The following TNIK variants were observed in gnomAD, a reference collection of about 807,000 sequenced individuals.
The protein encoded by TNIK is TRAF2 and NCK interacting kinase.
In TNIK, 49 loss-of-function variants were observed where a neutral mutation model predicts 191.3. The ratio of observed to expected loss-of-function variants is 0.26; its 90% confidence interval spans 0.20 to 0.32. The LOEUF (loss-of-function observed/expected upper bound fraction) is 0.32. Ranked by LOEUF, TNIK falls within the 10% of genes least tolerant of loss-of-function variation. The probability of loss-of-function intolerance (pLI) is 1.00; values close to 1 mark genes in which losing one functional copy is unlikely to be tolerated. For missense variants in TNIK, 1,155 were observed against 1,702.3 expected (o/e 0.68, Z 5.66); for synonymous variants, 594 against 600.9 (o/e 0.99, Z 0.17).
At chr3:171,313,321 C>G (rs1754259211) in intron 2 of TNIK, among the ~76,000 whole-genome samples, 1 of 151,386 alleles carries the variant, frequency 6.6e-6, no homozygotes, top group Non-Finnish European at 1.5e-5. Flanking sequence ...AACAGTGGAT[C>G]TGGAAGGGAA....
intron 12 of TNIK, among the ~76,000 whole-genome samples, chr3:171,147,849 C>T (rs1731849370): frequency 6.6e-6 from 1 of 152,164 alleles, no homozygotes; most frequent in African/African-American, 2.4e-5. Context: ...CCATGCCTGA[C>T]TCTTGCCATG....
At chr3:171,232,300 C>G (rs889984151) in intron 2 of TNIK, among the ~76,000 whole-genome samples, 5 of 150,058 alleles carry the variant, frequency 3.3e-5, no homozygotes, top group Admixed American at 2.6e-4. Flanking sequence ...GCCTGAGAAA[C>G]ACAGCAAGAT....
intron 1 of TNIK, among the ~76,000 whole-genome samples, chr3:171,458,604 G>A (rs186755891): frequency 1.3e-5 from 2 of 152,330 alleles, no homozygotes; most frequent in African/African-American, 4.8e-5. Context: ...GTACCACTTT[G>A]ATCACAAAGG....
chr3:171,307,285 A>G (rs796137370), intron 2 of TNIK, among the ~76,000 whole-genome samples: 88 of 152,290 alleles, frequency 5.8e-4, no homozygotes, highest in African/African-American at 2.0e-3. Context: ...TGCCAGGCTC[A>G]GGATCATCAA....
chr3:171,210,822 T>C (rs957948749), intron 4 of TNIK, among the ~76,000 whole-genome samples: 2 of 87,710 alleles, frequency 2.3e-5, no homozygotes, highest in South Asian at 3.3e-4. Flanking sequence ...GCACCTAAAA[T>C]AAAACACAAT....
chr3:171,234,224 A>G (rs1454737692), intron 2 of TNIK, among the ~76,000 whole-genome samples: 1 of 152,168 alleles, frequency 6.6e-6, no homozygotes, highest in Non-Finnish European at 1.5e-5. Flanking sequence ...AAAAGACTCC[A>G]AAGATCCTTA....
intron 1 of TNIK, among the ~76,000 whole-genome samples, chr3:171,442,081 G>A (rs944909784): frequency 2.6e-5 from 4 of 152,106 alleles, no homozygotes; most frequent in Non-Finnish European, 5.9e-5. Context: ...AGTTATTAAG[G>A]AACCATGCAA....
At chr3:171,276,523 C>T (rs541722604) in intron 2 of TNIK, among the ~76,000 whole-genome samples, 4 of 152,130 alleles carry the variant, frequency 2.6e-5, no homozygotes, top group South Asian at 2.1e-4. Flanking sequence ...AACAGCCATA[C>T]GAACAAGAAA....
In TNIK at chr3:171,188,849, A is replaced by C; in HGVS notation, c.509-17T>G. The C allele has an allele frequency of 6.2e-7, 1 of 1,611,676 alleles. No individual in the cohort carries two copies. Among genetic ancestry groups the C allele is most frequent in the Non-Finnish European group, 8.5e-7 (1 of 1,178,582 alleles). On this transcript the variant is annotated splice_polypyrimidine_tract_variant and intron_variant, in intron 6 of 32. Coordinates refer to ENST00000436636, the MANE Select transcript of TNIK (RefSeq NM_015028.4). ...CAAAGTCCACTATTTAAGAAAAGAC[A>C]AGTAAATAAAGTCTGTGATCATAGG...
intron 2 of TNIK, among the ~76,000 whole-genome samples, chr3:171,355,008 C>T (rs79642069): frequency 6.6e-6 from 1 of 152,188 alleles, no homozygotes; most frequent in South Asian, 2.1e-4. Context: ...TGTATTTTCC[C>T]CCATCCCCTG....
At chr3:171,120,367 C>G (rs1044090847) in intron 18 of TNIK, among the ~76,000 whole-genome samples, 11 of 148,396 alleles carry the variant, frequency 7.4e-5, no homozygotes, top group African/African-American at 2.8e-4. Context: ...GTTGCCCAGG[C>G]TGGAGTGCAG....
chr3:171,264,111 C>CACACACACAT (rs1257639293), intron 2 of TNIK, among the ~76,000 whole-genome samples: 8 of 61,010 alleles, frequency 1.3e-4, no homozygotes, highest in Admixed American at 8.5e-4. Context: ...CACACACACA[C>CACACACACAT]ATATATATAT....
At chr3:171,078,996 A>G (rs1720341595) in intron 28 of TNIK, among the ~76,000 whole-genome samples, 1 of 152,170 alleles carries the variant, frequency 6.6e-6, no homozygotes, top group Admixed American at 6.5e-5. Context: ...CTTGCTGCTC[A>G]TGAATTTTCT....
At chr3:171,403,788 C>A (rs1228064815) in intron 1 of TNIK, among the ~76,000 whole-genome samples, 3 of 152,056 alleles carry the variant, frequency 2.0e-5, no homozygotes, top group African/African-American at 7.2e-5. Context: ...AGTACACTTT[C>A]TATGTTGTTT....
intron 19 of TNIK, among the ~76,000 whole-genome samples, chr3:171,110,418 A>G (rs1469852893): frequency 6.6e-6 from 1 of 152,214 alleles, no homozygotes; most frequent in Non-Finnish European, 1.5e-5. Flanking sequence ...AGAAACAGAA[A>G]TTCAGGTGAC....
At chr3:171,204,148 T>C (rs1739768041) in intron 4 of TNIK, among the ~76,000 whole-genome samples, 1 of 152,238 alleles carries the variant, frequency 6.6e-6, no homozygotes, top group Admixed American at 6.5e-5. Flanking sequence ...TGAGATGTTG[T>C]GTGTCAGAGC....
At chr3:171,384,841 C>T (rs201256326) in intron 1 of TNIK, among the ~76,000 whole-genome samples, 27 of 152,320 alleles carry the variant, frequency 1.8e-4, no homozygotes, top group East Asian at 5.8e-4. Context: ...ATTTTTCTGA[C>T]ATTGAACAAG....
chr3:171,407,076 G>A (rs1395388904), intron 1 of TNIK, among the ~76,000 whole-genome samples: 2 of 152,170 alleles, frequency 1.3e-5, no homozygotes, highest in African/African-American at 4.8e-5. Context: ...TGGTCAAGAG[G>A]AGCTTGAAGG....
At chr3:171,307,739 G>A (rs1560406087) in intron 2 of TNIK, among the ~76,000 whole-genome samples, 3 of 152,088 alleles carry the variant, frequency 2.0e-5, no homozygotes, top group South Asian at 4.1e-4. Context: ...GGTCTGGGAT[G>A]GTTCTCAAAG....
Sources: gnomAD v4.1 joint callset for allele counts (sites outside exome capture counted in the v4.1 genomes callset) on GRCh38, gnomAD v4.1.1 for gene constraint, MANE v1.5 for transcripts, NCBI Gene and HGNC (gene_info 2026-07-23, HGNC 2026-07-21) for gene names.